The following PSD3 variants were observed in gnomAD, a reference collection of about 807,000 sequenced individuals.
The protein encoded by PSD3 is PH and SEC7 domain-containing protein 3.
A neutral mutation model predicts 105.5 loss-of-function variants in PSD3; 49 were observed. The observed-to-expected ratio is 0.46, with a 90% CI of 0.37 to 0.59. PSD3 has a LOEUF of 0.59. Ranked by LOEUF, PSD3 falls within the 20% of genes least tolerant of loss-of-function variation. The pLI is 0.00. For synonymous variants in PSD3, 557 were observed against 457.8 expected (o/e 1.22, Z -2.77); for missense variants, 1,561 against 1,263.8 (o/e 1.24, Z -3.57).
intron 4 of PSD3, among the ~76,000 whole-genome samples, chr8:18,847,024 A>C (rs1051196001): frequency 6.6e-6 from 1 of 152,138 alleles, no homozygotes; most frequent in Admixed American, 6.5e-5. Flanking sequence ...TGTGCCTACA[A>C]TACCCATGTC....
intron 9 of PSD3, among the ~76,000 whole-genome samples, chr8:18,663,025 A>C (rs11203976): frequency 0.024 from 3,704 of 152,262 alleles, 113 homozygotes; most frequent in East Asian, 0.13. Flanking sequence ...AGTTTGAACC[A>C]CCATTTCTTC....
At chr8:18,675,547 C>T (rs1009511355) in intron 9 of PSD3, among the ~76,000 whole-genome samples, 1 of 152,046 alleles carries the variant, frequency 6.6e-6, no homozygotes, top group East Asian at 1.9e-4. Context: ...GGGAGTCAGG[C>T]TAGGACTAGA....
chr8:18,586,760 A>C (rs988572705), intron 12 of PSD3, among the ~76,000 whole-genome samples: 6 of 152,122 alleles, frequency 3.9e-5, no homozygotes, highest in Non-Finnish European at 2.9e-5. Flanking sequence ...TTTATCCCCA[A>C]GGCCGAGACG....
At chr8:18,745,075 A>C (rs575184825) in intron 9 of PSD3, among the ~76,000 whole-genome samples, 1 of 152,210 alleles carries the variant, frequency 6.6e-6, no homozygotes, top group Admixed American at 6.5e-5. Context: ...CATGATGTTG[A>C]GATGCCTTGC....
intron 4 of PSD3, chr8:18,849,636 G>A (rs7844916): frequency 1.9e-4 from 29 of 152,094 alleles, no homozygotes; most frequent in Admixed American, 1.1e-3. Context: ...GATATCATTC[G>A]GAGGCGCTAC....
At chr8:19,019,706 CATG>C (rs1333924340) in intron 1 of PSD3, among the ~76,000 whole-genome samples, 1 of 152,114 alleles carries the variant, frequency 6.6e-6, no homozygotes, top group East Asian at 1.9e-4. Flanking sequence ...TACCTAAAAT[CATG>C]ATATGCTTGG....
intron 2 of PSD3, among the ~76,000 whole-genome samples, chr8:18,883,782 T>G (rs1325804367): frequency 2.0e-5 from 3 of 152,204 alleles, no homozygotes; most frequent in African/African-American, 4.8e-5. Context: ...CTAAGGGTCT[T>G]ATAATCTATT....
At chr8:18,769,998 G>C (rs1442900657) in intron 8 of PSD3, among the ~76,000 whole-genome samples, 3 of 152,078 alleles carry the variant, frequency 2.0e-5, no homozygotes, top group Admixed American at 6.5e-5. Context: ...ATATATTTAG[G>C]AGTGGGATTA....
At chr8:18,537,675 TC>T (rs1563299941) in intron 15 of PSD3, among the ~76,000 whole-genome samples, 1 of 63,624 alleles carries the variant, frequency 1.6e-5, no homozygotes, top group Non-Finnish European at 3.3e-5. Context: ...GGTGTTAGCC[TC>T]TCATTCTTTT....
At chr8:18,918,548 G>A (rs1274459458) in intron 2 of PSD3, among the ~76,000 whole-genome samples, 1 of 152,176 alleles carries the variant, frequency 6.6e-6, no homozygotes, top group East Asian at 1.9e-4. Context: ...TGTTGAAAAA[G>A]TAAATACTTC....
chr8:18,594,481 A>C lies in PSD3; in HGVS notation c.2481+5883T>G, dbSNP rs1423842750. Among the ~76,000 whole-genome samples the C allele has an allele frequency of 2.2e-5, 3 of 136,392 alleles. No individual in the cohort carries two copies. In the East Asian group the frequency reaches 6.2e-4, roughly 28 times the overall value. 89.5% of individuals were successfully genotyped at this position (136,392 alleles called of 152,430 possible). On this transcript the variant is annotated intron_variant, in intron 12 of 15. Coordinates refer to ENST00000327040, the MANE Select transcript of PSD3 (RefSeq NM_015310.4). ...ATATTATATATATACAAAAGAAAGA[A>C]AGATAATATTTTCTTAGGTAAACGA...
chr8:18,801,620 AG>A (rs1163805828), intron 6 of PSD3, among the ~76,000 whole-genome samples: 2 of 152,174 alleles, frequency 1.3e-5, no homozygotes, highest in Admixed American at 6.5e-5. Flanking sequence ...ACTTGAGGTC[AG>A]GGGTTCAAAA....
intron 1 of PSD3, among the ~76,000 whole-genome samples, chr8:19,020,004 G>A (rs968170515): frequency 2.6e-5 from 4 of 152,208 alleles, no homozygotes; most frequent in East Asian, 3.9e-4. Flanking sequence ...CCCAAGACCC[G>A]AATAACTGAG....
intron 2 of PSD3, among the ~76,000 whole-genome samples, chr8:18,917,248 C>G (rs1820684233): frequency 6.6e-6 from 1 of 152,232 alleles, no homozygotes; most frequent in Non-Finnish European, 1.5e-5. Flanking sequence ...TCCTGCACTA[C>G]TTTCAGGCAG....
At chr8:18,898,390 G>A (rs974718379) in intron 2 of PSD3, among the ~76,000 whole-genome samples, 1 of 152,042 alleles carries the variant, frequency 6.6e-6, no homozygotes, top group African/African-American at 2.4e-5. Context: ...TTTACTTAAA[G>A]TCTGTTTTAT....
intron 4 of PSD3, among the ~76,000 whole-genome samples, chr8:18,818,457 G>C (rs771799365): frequency 9.9e-5 from 15 of 151,970 alleles, no homozygotes; most frequent in Non-Finnish European, 1.9e-4. Context: ...GGTGAGCGCT[G>C]TGTTCTTTAA....
At chr8:18,925,408 C>G (rs202180312) in intron 2 of PSD3, among the ~76,000 whole-genome samples, 20 of 138,588 alleles carry the variant, frequency 1.4e-4, no homozygotes, top group Middle Eastern at 3.8e-3. Flanking sequence ...TATATATATA[C>G]ACACACACAC....
At chr8:18,614,664 T>C (rs930544925) in intron 11 of PSD3, among the ~76,000 whole-genome samples, 4 of 152,176 alleles carry the variant, frequency 2.6e-5, no homozygotes, top group African/African-American at 9.6e-5. Context: ...ACATTTCATA[T>C]ACATATTTTT....
At chr8:18,872,835 T>A in intron 2 of PSD3, 102 bp from the exon 3 acceptor site, 3 of 1,140,146 alleles carry the variant, frequency 2.6e-6, no homozygotes, top group South Asian at 1.6e-5. Flanking sequence ...TAATACTTAT[T>A]AACTTGATTA....
Sources: allele counts gnomAD v4.1 joint callset (sites outside exome capture counted in the v4.1 genomes callset), GRCh38; gene constraint gnomAD v4.1.1; transcripts MANE v1.5; gene names NCBI Gene and HGNC (gene_info 2026-07-23, HGNC 2026-07-21).